The following KLC3 variants were observed in gnomAD, a reference collection of about 807,000 sequenced individuals.
KLC3 encodes kinesin light chain 3.
Under a neutral mutation model 62.9 loss-of-function variants are expected in KLC3, and 72 were observed. The observed-to-expected ratio is 1.15, with a 90% CI of 0.95 to 1.39. The LOEUF (loss-of-function observed/expected upper bound fraction) is 1.39. Among genes scored for constraint, KLC3 ranks in the 40% most tolerant of loss-of-function variants. The probability of loss-of-function intolerance (pLI) is 0.00; values close to 1 mark genes in which losing one functional copy is unlikely to be tolerated. For missense variants in KLC3, 848 were observed against 691.6 expected (o/e 1.23, Z -2.54); for synonymous variants, 377 against 300.5 (o/e 1.25, Z -2.63).
rs772560519 is a variant in KLC3, at chr19:45,350,985, A to AACGTGG, written c.1413_1418dup (p.Val472_Asp473dup). ...GAGAGCCATGTCACTCAACACACTG[A>AACGTGG]ACGTGGATGCTCCAAGGGCTCCTGG... On this transcript the variant is annotated inframe_insertion, in exon 12 of 13. Coordinates refer to ENST00000391946, the MANE Select transcript of KLC3 (RefSeq NM_177417.3). 1 of 1,614,040 alleles carries AACGTGG rather than the reference A, an allele frequency of 6.2e-7. No individual in the cohort carries two copies. The highest frequency in any genetic ancestry group is 1.1e-5 in the South Asian group (1 of 91,074).
Position 45,349,489 on chromosome 19 carries a change from C to T in KLC3, c.1030C>T (p.Gln344Ter), listed in dbSNP as rs978172298. 7 of 1,613,880 alleles carry T rather than the reference C, an allele frequency of 4.3e-6. No individual in the cohort carries two copies. In the Admixed American group the frequency reaches 8.3e-5, roughly 19 times the overall value. ...GCTCAACAACCTGGCCCTGCTGTGC[C>T]AGAACCAGGGCAAGTTTGAGGACGT... ...KQLNNLALLC[Q>*]NQGKFEDVER... Residue 344 changes from glutamine (Q) to a stop codon, truncating the protein, a stop_gained, in exon 8 of 13, where the codon CAG (glutamine) becomes TAG (stop). Transcript: ENST00000391946. LOFTEE classifies it high-confidence loss of function.
intron 1 of KLC3, among the ~76,000 whole-genome samples, chr19:45,341,180 C>T (rs1401183293): frequency 1.1e-5 from 1 of 87,876 alleles, no homozygotes; most frequent in East Asian, 2.7e-4. Context: ...TCCTGCCTGC[C>T]TGTGTTTGTG....
intron 12 of KLC3, 120 bp from the exon 13 acceptor site, chr19:45,351,166 T>C (rs1599719965): frequency 6.3e-7 from 1 of 1,588,258 alleles, no homozygotes; most frequent in Non-Finnish European, 8.6e-7. Context: ...AGATGGGTTT[T>C]ACTTGGGGTA....
chr19:45,350,079 G>A (rs1971648844), intron 8 of KLC3: 3 of 510,170 alleles, frequency 5.9e-6, no homozygotes, highest in Non-Finnish European at 7.0e-6. Context: ...AACCCACTCT[G>A]CCCCAGGGCA....
At chr19:45,346,179 T>A (rs1025260786) in intron 2 of KLC3, among the ~76,000 whole-genome samples, 1 of 151,390 alleles carries the variant, frequency 6.6e-6, no homozygotes, top group South Asian at 2.1e-4. Context: ...CAGAAAAAAG[T>A]ATGGCAGAGA....
intron 1 of KLC3, 76 bp from the exon 2 acceptor site, chr19:45,345,457 AT>A: frequency 6.5e-7 from 1 of 1,540,430 alleles, no homozygotes. Context: ...CCTGATGGCC[AT>A]TATGGGAATA....
In KLC3 at chr19:45,350,763, G is replaced by A; in HGVS notation, c.1379+16G>A. The A allele has an allele frequency of 1.2e-6, 2 of 1,600,238 alleles. No individual in the cohort carries two copies. Among genetic ancestry groups the A allele is most frequent in the Non-Finnish European group, 1.7e-6 (2 of 1,173,280 alleles). On this transcript the variant is annotated intron_variant, in intron 11 of 12. Transcript: ENST00000391946. ...GAGCAGCCGGGTGAGTGTTGATCAGGTCGGCAAAGAGCCCTGACATCAGCA... is the reference window on the plus strand; with the variant it reads ...GAGCAGCCGGGTGAGTGTTGATCAGATCGGCAAAGAGCCCTGACATCAGCA...
At chr19:45,347,011 C>T (rs1328340288) in intron 3 of KLC3, 1 of 510,324 alleles carries the variant, frequency 2.0e-6, no homozygotes, top group Non-Finnish European at 3.5e-6. Context: ...GCCAGACCCC[C>T]AGGGGGCCTC....
rs542260680 is a variant in KLC3, at chr19:45,342,536, C to T, written c.-9+1690C>T. On this transcript the variant is annotated intron_variant, in intron 1 of 12. Coordinates refer to ENST00000391946, the MANE Select transcript of KLC3 (RefSeq NM_177417.3). ...GCACTTTGGGAGGCCAAGGGGGGAG[C>T]GGGTGGATCATTTGAGGTCAGGAGT... Among the ~76,000 whole-genome samples, 98 of 152,104 alleles carry T rather than the reference C, an allele frequency of 6.4e-4. 1 individual carries two copies. Among genetic ancestry groups the T allele is most frequent in the Admixed American group, 1.9e-3 (29 of 15,282 alleles).
chr19:45,349,705 G>GCCCCCCCCCCCCCCCCCCCCCC, intron 8 of KLC3, 103 bp downstream of exon 8: 1 of 789,676 alleles, frequency 1.3e-6, no homozygotes, highest in Non-Finnish European at 1.9e-6. Flanking sequence ...GTGGGGGGGG[G>GCCCCCCCCCCCCCCCCCCCCCC]CCCCCCAGGC....
chr19:45,341,949 C>T (rs548551369), intron 1 of KLC3, among the ~76,000 whole-genome samples: 4 of 151,904 alleles, frequency 2.6e-5, no homozygotes, highest in South Asian at 4.2e-4. Flanking sequence ...AAAGGGGGTC[C>T]GCGTCAGGGA....
Position 45,351,275 on chromosome 19 carries a change from CCTGTCTCCAGTTTCCCAG to C in KLC3, c.1444-7_1454del. The C allele has an allele frequency of 6.2e-7, 1 of 1,611,994 alleles. No individual in the cohort carries two copies. The highest frequency in any genetic ancestry group is 8.5e-7 in the Non-Finnish European group (1 of 1,179,770). On this transcript the variant is annotated splice_acceptor_variant and splice_polypyrimidine_tract_variant and coding_sequence_variant and intron_variant, in exon 13 of 13. Transcript: ENST00000391946. LOFTEE classifies it high-confidence loss of function. ...ACCTCCCCTCCAACCATCCCCTGTG[CCTGTCTCCAGTTTCCCAG>C]CTGGCACCTGGACAAGGCCCCTCGG... is the stretch of plus-strand genomic sequence containing the variant.
chr19:45,349,917 G>A (rs183987887), intron 8 of KLC3: 178 of 434,808 alleles, frequency 4.1e-4, no homozygotes, highest in African/African-American at 2.8e-3. Context: ...TTCTTATAGC[G>A]TCCCTATGAG....
In KLC3 at chr19:45,348,726, AC is replaced by A. The variant is rs767965530; in HGVS notation, c.864del (p.Ala289ArgfsTer72). On this transcript the variant is annotated frameshift_variant, in exon 6 of 13. Transcript: ENST00000391946. LOFTEE classifies it high-confidence loss of function. ...QIREQTLGPE[H>X]PAVAATLNNL... ...CGGGAGCAGACGCTGGGCCCTGAGC[AC>A]CCCGCGGTGAGTGGGGCCCCAGGGA... The A allele has an allele frequency of 9.4e-6, 15 of 1,587,576 alleles. No homozygotes were observed. Among genetic ancestry groups the A allele is most frequent in the Non-Finnish European group, 1.3e-5 (15 of 1,167,402 alleles).
Position 45,350,674 on chromosome 19 carries a change from C to G in KLC3, c.1306C>G (p.Arg436Gly), listed in dbSNP as rs373196157. 1 of 1,613,784 alleles carries G rather than the reference C, an allele frequency of 6.2e-7. No homozygotes were observed. The highest frequency in any genetic ancestry group is 1.7e-5 in the Admixed American group (1 of 59,960). ...LRRSSSLSKIRESIRRGSEKL... is the reference protein window; with the variant it reads ...LRRSSSLSKIGESIRRGSEKL... ...CCGCAGCAGCTCACTCTCCAAGATC[C>G]GTGAGTCTATCAGGCGAGGAAGTGA... Residue 436 changes from arginine (R) to glycine (G), a missense_variant, in exon 11 of 13, where the codon CGT (arginine) becomes GGT (glycine). Arg to Gly is a moderately radical substitution (Grantham distance 125, BLOSUM62 -2). Transcript: ENST00000391946.
At chr19:45,347,149 C>T in intron 3 of KLC3, 1 of 426,660 alleles carries the variant, frequency 2.3e-6, no homozygotes, top group Non-Finnish European at 4.2e-6. Flanking sequence ...TCAAGACCAG[C>T]ATGACCAACA....
chr19:45,349,479 C>T lies in KLC3; in HGVS notation c.1020C>T (p.Ala340=). 3.1e-6 allele frequency: 5 copies of T among 1,613,412 alleles called. No homozygotes were observed. Among genetic ancestry groups the T allele is most frequent in the Non-Finnish European group, 4.2e-6 (5 of 1,179,648 alleles). The change falls in exon 8 of 13, where the codon GCC becomes GCT. Residue 340 remains alanine (A), a synonymous_variant. Transcript: ENST00000391946. ...PDVAKQLNNL[A]LLCQNQGKFE... ...TGGCCAAGCAGCTCAACAACCTGGC[C>T]CTGCTGTGCCAGAACCAGGGCAAGT... is the stretch of plus-strand genomic sequence containing the variant.
At position 45,345,675 on chromosome 19, in the gene KLC3, C is replaced by T. The variant is rs1303341176; in HGVS notation, c.134C>T (p.Ala45Val). ...EALRAEHHGLAGHLAEALAGQ... is the reference protein window; with the variant it reads ...EALRAEHHGLVGHLAEALAGQ... ...CTGCGGGCAGAGCACCATGGCCTGG[C>T]TGGGCACCTGGCGGAGGCCCTGGCG... The change falls in exon 2 of 13, where the codon GCT becomes GTT. Residue 45 changes from alanine to valine, a missense_variant. Transcript: ENST00000391946. The T allele has an allele frequency of 2.5e-6, 4 of 1,578,106 alleles. No homozygotes were observed. The highest frequency in any genetic ancestry group is 1.8e-4 in the Middle Eastern group (1 of 5,434).
intron 7 of KLC3, 48 bp downstream of exon 7, chr19:45,348,969 C>T: frequency 6.7e-7 from 1 of 1,484,468 alleles, no homozygotes; most frequent in African/African-American, 1.4e-5. Flanking sequence ...TCCCATGTAG[C>T]CCTCCCCAGG....
Sources: gnomAD v4.1 joint callset for allele counts (sites outside exome capture counted in the v4.1 genomes callset) on GRCh38, gnomAD v4.1.1 for gene constraint, MANE v1.5 for transcripts, NCBI Gene and HGNC (gene_info 2026-07-23, HGNC 2026-07-21) for gene names.